The following DMD variants were observed in gnomAD, a reference collection of about 807,000 sequenced individuals.
The protein encoded by DMD is mutant dystrophin.
Under a neutral mutation model 330.1 loss-of-function variants are expected in DMD, and 63 were observed. That is an observed-to-expected ratio of 0.19 (90% CI 0.16 to 0.24). DMD has a LOEUF of 0.24. DMD is among the 10% of genes least tolerant of loss of function. The probability of loss-of-function intolerance (pLI) is 1.00; values close to 1 mark genes in which losing one functional copy is unlikely to be tolerated. For synonymous variants in DMD, 1,223 were observed against 959.8 expected (o/e 1.27, Z -5.07); for missense variants, 3,344 against 2,684.1 (o/e 1.25, Z -5.43).
intron 44 of DMD, among the ~76,000 whole-genome samples, chrX:32,091,780 T>G (rs1483593260): frequency 9.0e-6 from 1 of 111,342 alleles, no homozygotes; most frequent in Non-Finnish European, 1.9e-5. Flanking sequence ...AAAATGAAAG[T>G]AAGGAAATAA....
intron 62 of DMD, among the ~76,000 whole-genome samples, chrX:31,308,799 G>T (rs1270327597): frequency 9.1e-6 from 1 of 110,466 alleles, no homozygotes; most frequent in Non-Finnish European, 1.9e-5. Context: ...GTGCGATCTC[G>T]GCTCACTGCA....
intron 48 of DMD, among the ~76,000 whole-genome samples, chrX:31,838,713 C>A (rs1015654715): frequency 9.0e-6 from 1 of 111,373 alleles, no homozygotes; most frequent in African/African-American, 3.3e-5. Flanking sequence ...TTTGCCTTCC[C>A]CAACCCTGAT....
In DMD at chrX:32,697,948, A is replaced by G; in HGVS notation, c.882T>C (p.Pro294=). The part of the protein sequence containing the change: ...QGYERTSSPK[P]RFKSYAYTQA... ...GTGTGTAGGCATAGCTCTTGAATCG[A>G]GGCTTAGGGGAAGAAGTTCTCTCAT... is the stretch of plus-strand genomic sequence containing the variant. The change falls in exon 9 of 79, where the codon CCT becomes CCC. Residue 294 remains proline, a synonymous_variant. Coordinates refer to ENST00000357033, the MANE Select transcript of DMD (RefSeq NM_004006.3). 1 of 1,205,855 alleles carries G rather than the reference A, an allele frequency of 8.3e-7. No individual in the cohort carries two copies. The highest frequency in any genetic ancestry group is 1.1e-6 in the Non-Finnish European group (1 of 892,645).
intron 59 of DMD, among the ~76,000 whole-genome samples, chrX:31,447,997 C>G (rs1225280789): frequency 1.3e-5 from 1 of 74,864 alleles, no homozygotes; most frequent in Non-Finnish European, 2.4e-5. Flanking sequence ...GGTGACCCAG[C>G]AAGACTCTGT....
At chrX:31,410,660 ATT>A (rs1167902857) in intron 60 of DMD, among the ~76,000 whole-genome samples, 7 of 109,549 alleles carry the variant, frequency 6.4e-5, no homozygotes, top group African/African-American at 1.3e-4. Flanking sequence ...CCTTTTTCTG[ATT>A]TTGACCTACA....
At chrX:31,196,996 G>A (rs2042972019) in intron 67 of DMD, among the ~76,000 whole-genome samples, 2 of 110,915 alleles carry the variant, frequency 1.8e-5, no homozygotes, top group African/African-American at 6.6e-5. Context: ...TTTTGTTATA[G>A]ATAAAAGCAA....
chrX:32,757,258 A>T (rs1421291768), intron 7 of DMD, among the ~76,000 whole-genome samples: 4 of 111,232 alleles, frequency 3.6e-5, no homozygotes, highest in African/African-American at 9.8e-5. Context: ...TACACCCAAC[A>T]GTTCTCTTGA....
intron 32 of DMD, among the ~76,000 whole-genome samples, chrX:32,387,291 G>A (rs1050111777): frequency 1.8e-5 from 2 of 110,789 alleles, no homozygotes; most frequent in African/African-American, 3.3e-5. Context: ...ATTTTGCTTT[G>A]TAGTTTTCCT....
At chrX:32,834,153 A>G in intron 4 of DMD, among the ~76,000 whole-genome samples, 1 of 111,717 alleles carries the variant, frequency 9.0e-6, no homozygotes, top group Non-Finnish European at 1.9e-5. Flanking sequence ...AAGACCCTAT[A>G]GTTGATAAGT....
intron 4 of DMD, among the ~76,000 whole-genome samples, chrX:32,843,729 T>C (rs963838703): frequency 9.0e-6 from 1 of 111,427 alleles, no homozygotes; most frequent in African/African-American, 3.3e-5. Flanking sequence ...CCTGGTGAAA[T>C]GTATTGGTCG....
intron 11 of DMD, among the ~76,000 whole-genome samples, chrX:32,634,253 G>A (rs7886717): frequency 0.048 from 5,360 of 111,717 alleles, 175 homozygotes; most frequent in African/African-American, 0.1. Context: ...TCCCTTCAGG[G>A]CAGTAAGAAA....
intron 77 of DMD, among the ~76,000 whole-genome samples, chrX:31,130,284 T>C (rs910635878): frequency 8.9e-6 from 1 of 112,334 alleles, no homozygotes; most frequent in Non-Finnish European, 1.9e-5. Context: ...CGTTTGTTTA[T>C]TGTACCCATG....
At chrX:33,110,527 G>C (rs1035127407) in intron 1 of DMD, among the ~76,000 whole-genome samples, 1 of 111,261 alleles carries the variant, frequency 9.0e-6, no homozygotes, top group South Asian at 3.8e-4. Context: ...ATTAACATAT[G>C]ATTTTTCAAG....
At chrX:31,418,947 T>C (rs906490785) in intron 60 of DMD, among the ~76,000 whole-genome samples, 4 of 110,584 alleles carry the variant, frequency 3.6e-5, no homozygotes, top group Non-Finnish European at 5.7e-5. Flanking sequence ...TTCTTTTTTT[T>C]TGTTTTTTGT....
chrX:31,827,936 T>C (rs769215953), intron 49 of DMD, among the ~76,000 whole-genome samples: 3 of 111,949 alleles, frequency 2.7e-5, no homozygotes, highest in Non-Finnish European at 3.8e-5. Context: ...GGAAAGTTCA[T>C]AGTGTTAAAT....
rs1376785730 is a variant in DMD at position 32,557,811 on chromosome X, T to G, written c.1992+7891A>C. Among the ~76,000 whole-genome samples the G allele has an allele frequency of 2.7e-5, 3 of 111,085 alleles. No individual in the cohort carries two copies. In the East Asian group the frequency reaches 8.5e-4, roughly 31 times the overall value. On this transcript the variant is annotated intron_variant, in intron 16 of 78. Transcript: ENST00000357033. Reference sequence around the variant, plus strand: ...ACTAATCACAAGGATGTAAAATGCTTTATCTTATGAAGTATAGAGGACTTC... The same window carrying G: ...ACTAATCACAAGGATGTAAAATGCTGTATCTTATGAAGTATAGAGGACTTC...
At chrX:31,831,730 C>T (rs1362210513) in intron 49 of DMD, among the ~76,000 whole-genome samples, 2 of 110,907 alleles carry the variant, frequency 1.8e-5, no homozygotes, top group East Asian at 5.6e-4. Context: ...TCCCGAGTAG[C>T]TGGGACTACA....
At chrX:32,545,015 C>T in intron 17 of DMD, 144 bp downstream of exon 17, 1 of 537,639 alleles carries the variant, frequency 1.9e-6, no homozygotes. Flanking sequence ...AAATGTACTT[C>T]ATAATTTTTC....
At chrX:32,140,250 G>T (rs1426876453) in intron 44 of DMD, among the ~76,000 whole-genome samples, 5 of 112,162 alleles carry the variant, frequency 4.5e-5, no homozygotes, top group Non-Finnish European at 5.6e-5. Flanking sequence ...GAACTGAGTT[G>T]TTCCTAAGAT....
Sources: allele counts gnomAD v4.1 joint callset (sites outside exome capture counted in the v4.1 genomes callset), GRCh38; gene constraint gnomAD v4.1.1; transcripts MANE v1.5; gene names NCBI Gene and HGNC (gene_info 2026-07-23, HGNC 2026-07-21).